The following CNNM4 variants were observed in gnomAD, a reference collection of about 807,000 sequenced individuals.
The protein encoded by CNNM4 is cyclin and CBS domain divalent metal cation transport mediator 4, also known as metal transporter CNNM4.
Under a neutral mutation model 53.7 loss-of-function variants are expected in CNNM4, and 32 were observed. That is an observed-to-expected ratio of 0.60 (90% CI 0.45 to 0.80). The LOEUF (loss-of-function observed/expected upper bound fraction) is 0.80, where lower values mean the gene tolerates loss of function less well. CNNM4 is among the 30% of genes least tolerant of loss of function. The pLI is 0.00. For missense variants in CNNM4, 784 were observed against 1,022.0 expected, an observed-to-expected ratio of 0.77 and a Z score of 3.17; for synonymous variants, 410 against 440.0, an observed-to-expected ratio of 0.93 and a Z score of 0.85.
chr2:96,783,186 CAAAGGTACAGCGGG>C (rs1394694281), intron 1 of CNNM4, among the ~76,000 whole-genome samples: 12 of 152,202 alleles, frequency 7.9e-5, no homozygotes, highest in Non-Finnish European at 1.8e-4. Flanking sequence ...AGCAATTGAG[CAAAGGTACAGCGGG>C]GAAGGGGTTC....
intron 1 of CNNM4, among the ~76,000 whole-genome samples, chr2:96,795,230 G>A (rs1288610967): frequency 2.0e-5 from 3 of 152,234 alleles, no homozygotes; most frequent in Non-Finnish European, 2.9e-5. Flanking sequence ...ACTCCTGTAT[G>A]GACAGCCTCC....
chr2:96,797,727 C>G lies in CNNM4; in HGVS notation c.1681+80C>G. ...TCCTGGGTTTCCGGCTGCTTTCCCC[C>G]CATAGGACGAGGGCTGCAGCAGGTG... On this transcript the variant is annotated intron_variant, in intron 3 of 6. Transcript: ENST00000377075. The surrounding 1 kb of genome is among the most constrained non-coding windows in gnomAD (Gnocchi z 6.0). 4 of 1,581,538 alleles carry G rather than the reference C, an allele frequency of 2.5e-6. No individual in the cohort carries two copies. The highest frequency in any genetic ancestry group is 2.2e-5 in the South Asian group (2 of 89,298).
chr2:96,786,226 G>C (rs1005462797), intron 1 of CNNM4, among the ~76,000 whole-genome samples: 2 of 152,014 alleles, frequency 1.3e-5, no homozygotes, highest in Non-Finnish European at 2.9e-5. Context: ...AAACCAGCGT[G>C]GCCAACATGG....
rs576494032 is a variant in CNNM4, at chr2:96,772,203, C to T, written c.1402+9802C>T. On this transcript the variant is annotated intron_variant, in intron 1 of 6. Coordinates refer to ENST00000377075, the MANE Select transcript of CNNM4 (RefSeq NM_020184.4). The stretch of plus-strand genomic sequence containing the variant: ...ATAGGCACAGGCAGGCTTACTCCCA[C>T]CTATGCTCACACACACACTCATACC... Among the ~76,000 whole-genome samples, 30 of 151,784 alleles carry T rather than the reference C, an allele frequency of 2.0e-4. 1 individual carries two copies. Among genetic ancestry groups the T allele is most frequent in the Admixed American group, 1.9e-3 (29 of 15,228 alleles).
intron 1 of CNNM4, among the ~76,000 whole-genome samples, chr2:96,795,343 T>C (rs1383727724): frequency 1.3e-5 from 2 of 152,234 alleles, no homozygotes; most frequent in African/African-American, 4.8e-5. Flanking sequence ...GGCTCATCTC[T>C]AGGAAGATAC....
chr2:96,761,070 CGGTGCTGCT>C lies in CNNM4; in HGVS notation c.82_90del (p.Val28_Leu30del), dbSNP rs753162335. 7.8e-6 allele frequency: 10 copies of C among 1,282,538 alleles called. No individual in the cohort carries two copies. The highest frequency in any genetic ancestry group is 3.4e-5 in the South Asian group (1 of 29,400). The allele number at this position is 1,282,538 out of a possible 1,614,324, so 79.4% of individuals were successfully genotyped here. A position where few individuals can be genotyped will look rare whatever the true frequency, so the allele number is the denominator to read the frequency against. On this transcript the variant is annotated inframe_deletion, in exon 1 of 7. Transcript: ENST00000377075. This position sits in a 1 kb window ranked among gnomAD's most constrained non-coding sequence, Gnocchi z 6.0. The stretch of plus-strand genomic sequence containing the variant: ...CGCGGGCGCCTCCTCCTGGCGGCGC[CGGTGCTGCT>C]GGTGCTGCTGTGGGCGCTGGGGGCC...
chr2:96,788,824 TG>T (rs2079036559), intron 1 of CNNM4: 1 of 152,114 alleles, frequency 6.6e-6, no homozygotes, highest in Non-Finnish European at 1.5e-5. Flanking sequence ...GACTCCTTCT[TG>T]GGTGGTGGGA....
chr2:96,776,989 A>G (rs920215813), intron 1 of CNNM4, among the ~76,000 whole-genome samples: 2 of 151,058 alleles, frequency 1.3e-5, no homozygotes. Flanking sequence ...TGTCCATTTG[A>G]CTATTCTTTT....
rs1231513677 is a variant in CNNM4, at chr2:96,804,225, A to G, written c.1949-4336A>G. ...TCTAATCTTAATAGGTCACGTCACT[A>G]ATTTTTTTTTTTTTTTTTTTTTGAG... is the stretch of plus-strand genomic sequence containing the variant. On this transcript the variant is annotated intron_variant, in intron 5 of 6. Transcript: ENST00000377075. Among the ~76,000 whole-genome samples, 20 of 147,294 alleles carry G rather than the reference A, an allele frequency of 1.4e-4. No individual in the cohort carries two copies. In the Admixed American group the frequency reaches 1.4e-3, roughly 10 times the overall value.
intron 1 of CNNM4, among the ~76,000 whole-genome samples, chr2:96,793,263 G>T (rs1433789475): frequency 6.6e-6 from 1 of 152,124 alleles, no homozygotes; most frequent in African/African-American, 2.4e-5. Context: ...TTGACCAGAG[G>T]CTCTCTGGCC....
Position 96,761,133 on chromosome 2 carries a change from C to A in CNNM4, c.134C>A (p.Thr45Lys), listed in dbSNP as rs1184133806. 3.1e-6 allele frequency: 5 copies of A among 1,597,648 alleles called. No homozygotes were observed. Among genetic ancestry groups the A allele is most frequent in the Non-Finnish European group, 4.3e-6 (5 of 1,169,290 alleles). The stretch of plus-strand genomic sequence containing the variant: ...GGCCAGGGCAGCCCCCAGCAGGGCA[C>A]GATCGTGGGCATGAGGCTGGCGAGC... Reference protein sequence around the residue: ...ARGQGSPQQGTIVGMRLASCN... With the variant: ...ARGQGSPQQGKIVGMRLASCN... Residue 45 changes from threonine to lysine, a missense_variant, in exon 1 of 7, where the codon ACG becomes AAG. By Grantham distance (78) the Thr-to-Lys change is moderately conservative (BLOSUM62 -1). This residue lies in a region of CNNM4 where 473 missense variants were observed against 624.6 expected (regional missense o/e 0.76). Coordinates refer to ENST00000377075, the MANE Select transcript of CNNM4 (RefSeq NM_020184.4). This position sits in a 1 kb window ranked among gnomAD's most constrained non-coding sequence, Gnocchi z 6.0.
At chr2:96,785,070 A>G (rs2079005283) in intron 1 of CNNM4, among the ~76,000 whole-genome samples, 2 of 151,656 alleles carry the variant, frequency 1.3e-5, no homozygotes, top group Admixed American at 6.6e-5. Flanking sequence ...TAGAGATAGG[A>G]TTTCATCATG....
Position 96,761,112 on chromosome 2 carries a change from A to T in CNNM4, c.113A>T (p.Gln38Leu), listed in dbSNP as rs373447186. The T allele has an allele frequency of 3.1e-5, 48 of 1,559,590 alleles. No homozygotes were observed. The highest frequency in any genetic ancestry group is 4.0e-5 in the Non-Finnish European group (46 of 1,146,348). ...CTGTGGGCGCTGGGGGCCCGGGGCC[A>T]GGGCAGCCCCCAGCAGGGCACGATC... is the stretch of plus-strand genomic sequence containing the variant. ...VLLWALGARG[Q>L]GSPQQGTIVG... The change falls in exon 1 of 7, where the codon CAG becomes CTG. Residue 38 changes from glutamine to leucine, a missense_variant. Physicochemically the swap from Gln to Leu is moderately radical, Grantham distance 113 (BLOSUM62 -2). Coordinates refer to ENST00000377075, the MANE Select transcript of CNNM4 (RefSeq NM_020184.4). This position sits in a 1 kb window ranked among gnomAD's most constrained non-coding sequence, Gnocchi z 6.0.
chr2:96,790,458 G>A (rs538904889), intron 1 of CNNM4, among the ~76,000 whole-genome samples: 309 of 150,648 alleles, frequency 2.1e-3, no homozygotes, highest in Non-Finnish European at 3.7e-3. Context: ...AGATTCAAGC[G>A]ATTCTCCTGC....
In CNNM4 at chr2:96,799,171, G is replaced by A. The variant is rs374698559; in HGVS notation, c.1796G>A (p.Arg599His). 36 of 1,614,004 alleles carry A rather than the reference G, an allele frequency of 2.2e-5. No individual in the cohort carries two copies. The highest frequency in any genetic ancestry group is 4.5e-5 in the East Asian group (2 of 44,900). Residue 599 changes from arginine (R) to histidine (H), a missense_variant, in exon 4 of 7, where the codon CGC becomes CAC. Transcript: ENST00000377075. The stretch of plus-strand genomic sequence containing the variant: ...GACGAGCACAATAAGTACTACGCCC[G>A]CCATTACCTGTACACCCGAAATAAG... Reference protein sequence around the residue: ...KFDEHNKYYARHYLYTRNKPA... With the variant: ...KFDEHNKYYAHHYLYTRNKPA...
intron 1 of CNNM4, among the ~76,000 whole-genome samples, chr2:96,763,757 C>T (rs1438984627): frequency 6.6e-6 from 1 of 152,038 alleles, no homozygotes; most frequent in East Asian, 1.9e-4. Context: ...CAGACTGAAT[C>T]TTAGTATCGG....
At chr2:96,762,661 C>A (rs1385097832) in intron 1 of CNNM4, among the ~76,000 whole-genome samples, 1 of 152,060 alleles carries the variant, frequency 6.6e-6, no homozygotes, top group Non-Finnish European at 1.5e-5. Flanking sequence ...AGGGCTGGAG[C>A]AAGACCTCAG....
chr2:96,773,746 G>A lies in CNNM4; in HGVS notation c.1402+11345G>A, dbSNP rs59641049. On this transcript the variant is annotated intron_variant, in intron 1 of 6. Transcript: ENST00000377075. ...TAGTCCCACCTACTCAGGAGGCTAA[G>A]ACTGGAGAATTGCTTGAACCCAGGA... Among the ~76,000 whole-genome samples the A allele has an allele frequency of 2.3e-4, 35 of 150,996 alleles. 1 individual carries two copies. Among genetic ancestry groups the A allele is most frequent in the African/African-American group, 8.5e-4 (35 of 41,038 alleles).
chr2:96,798,961 C>A, intron 3 of CNNM4, 96 bp from the exon 4 acceptor site: 1 of 1,252,076 alleles, frequency 8.0e-7, no homozygotes. Flanking sequence ...CTGAGCACAG[C>A]GTGGCTGCTG....
Sources: allele counts gnomAD v4.1 joint callset (sites outside exome capture counted in the v4.1 genomes callset), GRCh38; gene constraint gnomAD v4.1.1; regional missense constraint gnomAD v4.1.1; non-coding constraint Gnocchi (gnomAD v3.1); transcripts MANE v1.5; gene names NCBI Gene and HGNC (gene_info 2026-07-23, HGNC 2026-07-21).